The following SHANK2 variants were observed in gnomAD, a reference collection of about 807,000 sequenced individuals.
The protein encoded by SHANK2 is SH3 and multiple ankyrin repeat domains protein 2.
In SHANK2, 43 loss-of-function variants were observed where a neutral mutation model predicts 133.7. That is an observed-to-expected ratio of 0.32 (90% CI 0.25 to 0.41). SHANK2 has a LOEUF of 0.41. Ranked by LOEUF, SHANK2 falls within the 10% of genes least tolerant of loss-of-function variation. SHANK2 has a pLI of 1.00. For synonymous variants in SHANK2, 1,017 were observed against 952.8 expected, an observed-to-expected ratio of 1.07 and a Z score of -1.24; for missense variants, 1,994 against 2,235.8, an observed-to-expected ratio of 0.89 and a Z score of 2.18.
intron 1 of SHANK2, among the ~76,000 whole-genome samples, chr11:71,250,510 C>G (rs1438045202): frequency 2.0e-5 from 3 of 152,242 alleles, no homozygotes; most frequent in Admixed American, 1.3e-4. Context: ...GCAGACACGA[C>G]GGCTTTCCCT....
intron 10 of SHANK2, among the ~76,000 whole-genome samples, chr11:70,947,425 T>C (rs1344527714): frequency 6.7e-6 from 1 of 148,694 alleles, no homozygotes; most frequent in African/African-American, 2.5e-5. Context: ...CAATCTTGGC[T>C]CACTGCAGCC....
At chr11:71,164,397 C>T (rs868940237) in intron 2 of SHANK2, among the ~76,000 whole-genome samples, 10 of 152,182 alleles carry the variant, frequency 6.6e-5, no homozygotes, top group African/African-American at 2.4e-5. Context: ...GAAGCATGAC[C>T]GGGTTCTATT....
chr11:70,585,222 G>A (rs1168006321), intron 17 of SHANK2, among the ~76,000 whole-genome samples: 3 of 152,254 alleles, frequency 2.0e-5, no homozygotes, highest in Non-Finnish European at 2.9e-5. Context: ...CCATCCACTG[G>A]CTGGCAGGGG....
intron 3 of SHANK2, among the ~76,000 whole-genome samples, chr11:71,132,167 G>A (rs1408735304): frequency 2.6e-5 from 4 of 152,360 alleles, no homozygotes; most frequent in Non-Finnish European, 4.4e-5. Flanking sequence ...AGAAGGGAGA[G>A]CAGCGAGGGA....
intron 15 of SHANK2, among the ~76,000 whole-genome samples, chr11:70,666,854 T>A (rs1944687244): frequency 6.6e-6 from 1 of 152,108 alleles, no homozygotes; most frequent in African/African-American, 2.4e-5. Flanking sequence ...CATTGACCCG[T>A]GCTTATTGAT....
chr11:70,509,163 C>A (rs964554951), intron 17 of SHANK2, among the ~76,000 whole-genome samples: 10 of 152,342 alleles, frequency 6.6e-5, no homozygotes, highest in Admixed American at 6.5e-4. Flanking sequence ...CAGGCCTGTG[C>A]CTTGCCCGGC....
In SHANK2 at chr11:70,820,397, T is replaced by A. The variant is rs1555055527; in HGVS notation, c.1460A>T (p.Asp487Val). The A allele has an allele frequency of 1.5e-6, 1 of 676,134 alleles. No homozygotes were observed. The highest frequency in any genetic ancestry group is 1.6e-5 in the South Asian group (1 of 62,274). 41.9% of individuals were successfully genotyped at this position (676,134 alleles called of 1,614,324 possible). A position where few individuals can be genotyped will look rare whatever the true frequency, so the allele number is the denominator to read the frequency against. ...CCAGAGAGGCTGCGGCCTCTTGCCG[T>A]CCTCGCCTGCGCCGCCCAGCCTGTT... is the stretch of plus-strand genomic sequence containing the variant. ...SLNRLGGAGE[D>V]GKRPQPLWHV... Residue 487 changes from aspartate to valine, a missense_variant, in exon 12 of 26, where the codon GAC (aspartate) becomes GTC (valine). Transcript: ENST00000601538.
intron 2 of SHANK2, among the ~76,000 whole-genome samples, chr11:71,210,209 G>GCTATATATATATATAT: frequency 2.8e-5 from 1 of 35,684 alleles, no homozygotes; most frequent in African/African-American, 1.2e-4. Context: ...GAAATCCACA[G>GCTATATATATATATAT]GTATATATAT....
chr11:70,706,600 C>A (rs1945668311), intron 14 of SHANK2, among the ~76,000 whole-genome samples: 1 of 152,100 alleles, frequency 6.6e-6, no homozygotes. Context: ...AACTTGTCAA[C>A]CCGACACATC....
intron 15 of SHANK2, among the ~76,000 whole-genome samples, chr11:70,667,165 A>G (rs1944693751): frequency 6.6e-6 from 1 of 152,128 alleles, no homozygotes. Context: ...TCCTAGTTCA[A>G]ACAAAGATGG....
intron 2 of SHANK2, among the ~76,000 whole-genome samples, chr11:71,184,944 A>C (rs528959813): frequency 6.6e-5 from 10 of 152,158 alleles, no homozygotes; most frequent in African/African-American, 1.9e-4. Context: ...ACAAAGCTAA[A>C]CACTCTGTTC....
At chr11:71,225,042 A>G (rs782226024) in intron 1 of SHANK2, among the ~76,000 whole-genome samples, 4 of 152,222 alleles carry the variant, frequency 2.6e-5, no homozygotes, top group African/African-American at 4.8e-5. Flanking sequence ...AGCCAGGGAC[A>G]TGGTGTGAGC....
At chr11:70,542,538 A>C (rs78717650) in intron 17 of SHANK2, among the ~76,000 whole-genome samples, 2,540 of 152,300 alleles carry the variant, frequency 0.017, 46 homozygotes, top group East Asian at 0.1. Flanking sequence ...CTGGAGGTGC[A>C]TGTGGGCTGT....
At chr11:70,553,345 G>A (rs1243849120) in intron 17 of SHANK2, among the ~76,000 whole-genome samples, 3 of 152,100 alleles carry the variant, frequency 2.0e-5, no homozygotes, top group Non-Finnish European at 4.4e-5. Flanking sequence ...CGCCCACCTC[G>A]GCCTCCTAAA....
intron 2 of SHANK2, among the ~76,000 whole-genome samples, chr11:71,219,708 T>C (rs541295169): frequency 9.9e-5 from 15 of 151,400 alleles, no homozygotes; most frequent in Admixed American, 9.9e-4. Context: ...CTGGGCAACA[T>C]GGTAAAATCC....
intron 12 of SHANK2, among the ~76,000 whole-genome samples, chr11:70,817,144 G>T (rs1227360070): frequency 6.6e-6 from 1 of 152,232 alleles, no homozygotes; most frequent in East Asian, 1.9e-4. Flanking sequence ...AAGCATGCCT[G>T]CCTCCAACTC....
intron 3 of SHANK2, among the ~76,000 whole-genome samples, chr11:71,137,168 T>C (rs1158290500): frequency 3.3e-5 from 5 of 152,130 alleles, no homozygotes; most frequent in Non-Finnish European, 7.3e-5. Context: ...TAGCCCTGAA[T>C]TGTATTCTTA....
chr11:71,151,534 T>C (rs1250045193), intron 2 of SHANK2, among the ~76,000 whole-genome samples: 11 of 152,292 alleles, frequency 7.2e-5, no homozygotes, highest in Admixed American at 1.3e-4. Flanking sequence ...TGGGCCCTGC[T>C]GGGTTGGAAA....
chr11:70,544,087 T>A (rs970942415), intron 17 of SHANK2, among the ~76,000 whole-genome samples: 1 of 152,202 alleles, frequency 6.6e-6, no homozygotes, highest in Non-Finnish European at 1.5e-5. Context: ...TCCCATTTCT[T>A]AAGGCAACTT....
Sources: allele counts gnomAD v4.1 joint callset (sites outside exome capture counted in the v4.1 genomes callset), GRCh38; gene constraint gnomAD v4.1.1; transcripts MANE v1.5; gene names NCBI Gene and HGNC (gene_info 2026-07-23, HGNC 2026-07-21).